NBEAL1: variants seen among roughly 807,000 people sequenced by gnomAD.
NBEAL1 encodes the protein neurobeachin-like protein 1.
A neutral mutation model predicts 351.3 loss-of-function variants in NBEAL1; 273 were observed. The ratio of observed to expected loss-of-function variants is 0.78; its 90% CI spans 0.70 to 0.86. The LOEUF is 0.86. NBEAL1 is among the 40% of genes least tolerant of loss of function. The pLI, the probability that NBEAL1 is intolerant of heterozygous loss-of-function variation, is 0.00. For missense variants in NBEAL1, 2,961 were observed against 3,201.3 expected (o/e 0.92, Z 1.81); for synonymous variants, 1,050 against 1,086.4 (o/e 0.97, Z 0.66).
At chr2:203,123,142 A>AG (rs1232586270) in intron 19 of NBEAL1, among the ~76,000 whole-genome samples, 1 of 151,264 alleles carries the variant, frequency 6.6e-6, no homozygotes, top group African/African-American at 2.4e-5. Flanking sequence ...TCAGGAAAAA[A>AG]AAAAAAACTT....
rs963671670 is a variant in NBEAL1, at chr2:203,127,988, ACAT to A, written c.3405+56_3405+58del. ...TTTCCTTTTTAACATTTGAGTTGCT[ACAT>A]CATCTTCTGAACGTATGTTTGTGTC... is the stretch of plus-strand genomic sequence containing the variant. On this transcript the variant is annotated intron_variant, in intron 24 of 55. Transcript: ENST00000683969. The A allele has an allele frequency of 3.0e-6, 4 of 1,345,006 alleles. No individual in the cohort carries two copies. In the African/African-American group the frequency reaches 5.8e-5, roughly 20 times the overall value. The allele number at this position is 1,345,006 out of a possible 1,614,324, so 83.3% of individuals were successfully genotyped here.
chr2:203,128,745 G>A (rs537870866), intron 24 of NBEAL1, among the ~76,000 whole-genome samples: 5 of 151,778 alleles, frequency 3.3e-5, no homozygotes, highest in East Asian at 2.0e-4. Flanking sequence ...CTACAGGCAC[G>A]CAGCATCACA....
chr2:203,093,103 A>G (rs1450869237), intron 10 of NBEAL1, among the ~76,000 whole-genome samples: 2 of 151,802 alleles, frequency 1.3e-5, no homozygotes, highest in African/African-American at 2.4e-5. Context: ...GTGGTGGTAC[A>G]TGCCTGTAGT....
chr2:203,119,809 T>G (rs188611433), intron 18 of NBEAL1, among the ~76,000 whole-genome samples: 74 of 152,338 alleles, frequency 4.9e-4, no homozygotes, highest in African/African-American at 1.7e-3. Flanking sequence ...ACTTTTGTTT[T>G]GTCCTACTGT....
chr2:203,032,024 AT>A (rs1574869506), intron 2 of NBEAL1, among the ~76,000 whole-genome samples: 1 of 152,152 alleles, frequency 6.6e-6, no homozygotes, highest in East Asian at 1.9e-4. Flanking sequence ...GTTCTTTATT[AT>A]TTTTTGATTG....
chr2:203,131,901 A>C (rs2063081515), intron 25 of NBEAL1, 72 bp from the exon 26 acceptor site: 2 of 1,107,934 alleles, frequency 1.8e-6, no homozygotes, highest in Admixed American at 6.4e-5. Flanking sequence ...TTAATAAGTT[A>C]ACATTTTTAA....
intron 50 of NBEAL1, among the ~76,000 whole-genome samples, chr2:203,202,205 T>G (rs976403220): frequency 6.6e-6 from 1 of 152,188 alleles, no homozygotes; most frequent in Non-Finnish European, 1.5e-5. Context: ...TGCTGCTAAT[T>G]CTGTACCAGT....
chr2:203,064,900 A>G (rs547827503), intron 6 of NBEAL1, among the ~76,000 whole-genome samples: 17 of 152,308 alleles, frequency 1.1e-4, no homozygotes, highest in African/African-American at 4.1e-4. Context: ...ATAAAACTAT[A>G]TCCCTATTAG....
At chr2:203,213,783 G>A (rs2065852538) in intron 55 of NBEAL1, 130 bp downstream of exon 55, 2 of 1,515,290 alleles carry the variant, frequency 1.3e-6, no homozygotes, top group Non-Finnish European at 1.8e-6. Flanking sequence ...TTTTTCAAAA[G>A]GCAGTAAATA....
At chr2:203,160,501 T>C (rs1267381622) in intron 36 of NBEAL1, among the ~76,000 whole-genome samples, 1 of 152,096 alleles carries the variant, frequency 6.6e-6, no homozygotes, top group African/African-American at 2.4e-5. Context: ...TCTTTTGATG[T>C]TTTTATGATA....
At chr2:203,050,639 G>T (rs920297467) in intron 4 of NBEAL1, among the ~76,000 whole-genome samples, 5 of 152,118 alleles carry the variant, frequency 3.3e-5, no homozygotes, top group South Asian at 2.1e-4. Context: ...TATCCTGTAG[G>T]TTATCATATT....
chr2:203,075,246 C>T (rs10181715), intron 7 of NBEAL1: 1 of 151,968 alleles, frequency 6.6e-6, no homozygotes, highest in Non-Finnish European at 1.5e-5. Context: ...AACTTAAACT[C>T]ATTGAGTTGT....
chr2:203,068,507 A>G, intron 7 of NBEAL1, 32 bp downstream of exon 7: 1 of 1,206,348 alleles, frequency 8.3e-7, no homozygotes, highest in Non-Finnish European at 1.2e-6. Flanking sequence ...TCTTGCTATG[A>G]TTATCATCTT....
chr2:203,169,407 A>C (rs975466249), intron 38 of NBEAL1, among the ~76,000 whole-genome samples: 1 of 150,850 alleles, frequency 6.6e-6, no homozygotes, highest in Non-Finnish European at 1.5e-5. Context: ...AAAAAAAAAA[A>C]AAAACCACTG....
chr2:203,120,835 G>A (rs1477329800), intron 18 of NBEAL1, among the ~76,000 whole-genome samples: 1 of 152,154 alleles, frequency 6.6e-6, no homozygotes, highest in Non-Finnish European at 1.5e-5. Flanking sequence ...TTTAGTTACA[G>A]ACTAAAGTAG....
At chr2:203,103,927 A>G (rs968022669) in intron 12 of NBEAL1, among the ~76,000 whole-genome samples, 1 of 152,126 alleles carries the variant, frequency 6.6e-6, no homozygotes, top group Non-Finnish European at 1.5e-5. Flanking sequence ...CAATTTTCTT[A>G]GTCTTGATTT....
chr2:203,077,828 C>T lies in NBEAL1; in HGVS notation c.675C>T (p.Ala225=), dbSNP rs748642921. 5.5e-5 allele frequency: 80 copies of T among 1,443,000 alleles called. No homozygotes were observed. Among genetic ancestry groups the T allele is most frequent in the South Asian group, 8.4e-5 (5 of 59,576 alleles). The allele number at this position is 1,443,000 out of a possible 1,614,324, so 89.4% of individuals were successfully genotyped here. The part of the protein sequence containing the change: ...CLLHLFGAIV[A]GGQRNALQAI... ...TGCATCTCTTTGGAGCCATTGTAGC[C>T]GGTGGGCAGGTAAGGAAAGTGTTGA... The change falls in exon 8 of 56, where the codon GCC becomes GCT. Residue 225 remains alanine (A), a synonymous_variant. Coordinates refer to ENST00000683969, the MANE Select transcript of NBEAL1 (RefSeq NM_001378026.1).
At chr2:203,155,361 C>A (rs776143176) in intron 35 of NBEAL1, among the ~76,000 whole-genome samples, 12 of 152,012 alleles carry the variant, frequency 7.9e-5, no homozygotes, top group Non-Finnish European at 1.5e-4. Context: ...CACCTTGCTT[C>A]CATTGTTTCT....
intron 19 of NBEAL1, among the ~76,000 whole-genome samples, chr2:203,124,440 G>C (rs973020379): frequency 3.9e-5 from 6 of 152,162 alleles, no homozygotes; most frequent in African/African-American, 1.4e-4. Flanking sequence ...CATTTTATTA[G>C]GGAGTTTTGT....
Sources: allele counts gnomAD v4.1 joint callset (sites outside exome capture counted in the v4.1 genomes callset), GRCh38; gene constraint gnomAD v4.1.1; transcripts MANE v1.5; gene names NCBI Gene and HGNC (gene_info 2026-07-23, HGNC 2026-07-21).